Variants in TBC1D22A observed in about 807,000 individuals in gnomAD.
TBC1D22A encodes putative GTPase activator.
In TBC1D22A, 38 loss-of-function variants were observed where a neutral mutation model predicts 60.2. The observed-to-expected ratio is 0.63, with a 90% confidence interval of 0.49 to 0.83. The LOEUF (loss-of-function observed/expected upper bound fraction) is 0.83. TBC1D22A is among the 40% of genes least tolerant of loss of function. The pLI is 0.00. For synonymous variants in TBC1D22A, 302 were observed against 281.7 expected (o/e 1.07, Z -0.72); for missense variants, 628 against 701.0 (o/e 0.90, Z 1.18).
intron 4 of TBC1D22A, among the ~76,000 whole-genome samples, chr22:46,854,610 G>A (rs1469853862): frequency 6.6e-6 from 1 of 151,970 alleles, no homozygotes; most frequent in African/African-American, 2.4e-5. Context: ...CCTTTGATGG[G>A]TCTGCCCTAG....
chr22:47,112,153 A>G (rs1346869973), intron 12 of TBC1D22A, among the ~76,000 whole-genome samples: 3 of 151,928 alleles, frequency 2.0e-5, no homozygotes, highest in Non-Finnish European at 4.4e-5. Flanking sequence ...GACCTGTGGG[A>G]CTCCCTGTGG....
Position 46,762,847 on chromosome 22 carries a change from A to G in TBC1D22A, c.61A>G (p.Ser21Gly). The G allele has an allele frequency of 6.8e-7, 1 of 1,470,326 alleles. No individual in the cohort carries two copies. Among genetic ancestry groups the G allele is most frequent in the African/African-American group, 1.5e-5 (1 of 66,990 alleles). The allele number at this position is 1,470,326 out of a possible 1,614,324, so 91.1% of individuals were successfully genotyped here. ...GCGCAGCAACAGCAAGCTCCCGGGC[A>G]GGTGGGTGTGCCGCGGAGGGCCAGG... ...WKRSNSKLPGSIQHVYGAQHP... is the reference protein window; with the variant it reads ...WKRSNSKLPGGIQHVYGAQHP... Residue 21 changes from serine to glycine, a missense_variant and splice_region_variant, in exon 1 of 13, where the codon AGC becomes GGC. Physicochemically the swap from Ser to Gly is moderately conservative, Grantham distance 56 (BLOSUM62 0). Coordinates refer to ENST00000337137, the MANE Select transcript of TBC1D22A (RefSeq NM_014346.5).
At chr22:46,942,898 A>G (rs1199885496) in intron 8 of TBC1D22A, among the ~76,000 whole-genome samples, 1 of 152,170 alleles carries the variant, frequency 6.6e-6, no homozygotes, top group East Asian at 1.9e-4. Context: ...ACTAGGAGAG[A>G]AATTAATTTC....
At chr22:47,065,821 T>A (rs551145743) in intron 11 of TBC1D22A, among the ~76,000 whole-genome samples, 10 of 152,312 alleles carry the variant, frequency 6.6e-5, no homozygotes, top group African/African-American at 2.2e-4. Flanking sequence ...AATCCTGCTC[T>A]GAGTTCCTCA....
At chr22:47,115,696 C>G (rs543185016) in intron 12 of TBC1D22A, 2 of 152,234 alleles carry the variant, frequency 1.3e-5, no homozygotes, top group African/African-American at 4.8e-5. Flanking sequence ...AACCTGCCAC[C>G]CGCCCCTGCT....
intron 5 of TBC1D22A, among the ~76,000 whole-genome samples, chr22:46,881,576 AC>A (rs2067853171): frequency 6.6e-6 from 1 of 152,204 alleles, no homozygotes; most frequent in Non-Finnish European, 1.5e-5. Context: ...AACTCAGGGA[AC>A]AGGCTGTTCT....
At chr22:46,896,153 T>C (rs113357384) in intron 7 of TBC1D22A, among the ~76,000 whole-genome samples, 3,228 of 152,356 alleles carry the variant, frequency 0.021, 76 homozygotes, top group Non-Finnish European at 0.03. Context: ...GGATGTCTTC[T>C]GTCTTTCCCC....
chr22:46,820,489 G>T (rs117336257), intron 4 of TBC1D22A, among the ~76,000 whole-genome samples: 2,138 of 152,206 alleles, frequency 0.014, 49 homozygotes, highest in African/African-American at 0.049. Flanking sequence ...ATTTCATTAT[G>T]TACCCAGGAG....
intron 10 of TBC1D22A, among the ~76,000 whole-genome samples, chr22:46,999,267 C>A (rs1347390232): frequency 6.6e-6 from 1 of 152,202 alleles, no homozygotes; most frequent in African/African-American, 2.4e-5. Flanking sequence ...ACCAAAGGAA[C>A]CCCAACGAAA....
rs537299051 is a variant in TBC1D22A at position 47,116,627 on chromosome 22, G to A, written c.1425+5024G>A. 4 of 152,426 alleles carry A rather than the reference G, an allele frequency of 2.6e-5. No individual in the cohort carries two copies. The South Asian group carries it at 8.3e-4, about 32-fold the overall frequency. The allele number at this position is 152,426 out of a possible 1,614,324, so 9.4% of individuals were successfully genotyped here. A position where few individuals can be genotyped will look rare whatever the true frequency, so the allele number is the denominator to read the frequency against. On this transcript the variant is annotated intron_variant, in intron 12 of 12. Transcript: ENST00000337137. ...GCAGTCTGTGGCCGCCTGGCCCTGG[G>A]CCCTGCATCTCTGTGGGAGCCCCAG...
intron 4 of TBC1D22A, among the ~76,000 whole-genome samples, chr22:46,863,830 C>T (rs2066923437): frequency 6.6e-6 from 1 of 152,182 alleles, no homozygotes; most frequent in African/African-American, 2.4e-5. Context: ...TCAGATGCTC[C>T]CCCTCCGTGA....
intron 10 of TBC1D22A, among the ~76,000 whole-genome samples, chr22:47,004,288 A>G (rs1271242189): frequency 6.7e-6 from 1 of 150,340 alleles, no homozygotes; most frequent in Non-Finnish European, 1.5e-5. Context: ...ACCCCTGCAC[A>G]CAATCCTCAT....
intron 8 of TBC1D22A, among the ~76,000 whole-genome samples, chr22:46,956,265 C>G (rs1321644768): frequency 6.6e-6 from 1 of 151,958 alleles, no homozygotes; most frequent in Non-Finnish European, 1.5e-5. Flanking sequence ...GTGCCCTAAC[C>G]CCATGGAACT....
chr22:46,849,529 T>A (rs1445912831), intron 4 of TBC1D22A, among the ~76,000 whole-genome samples: 1 of 152,188 alleles, frequency 6.6e-6, no homozygotes, highest in Non-Finnish European at 1.5e-5. Flanking sequence ...TGTCCTGGGC[T>A]GGACAGGTGA....
chr22:47,098,563 G>A (rs548600789), intron 11 of TBC1D22A, among the ~76,000 whole-genome samples: 1 of 151,846 alleles, frequency 6.6e-6, no homozygotes, highest in African/African-American at 2.4e-5. Context: ...GCATCCCCCC[G>A]ACTCCATGTA....
At chr22:47,098,572 T>C (rs1029300631) in intron 11 of TBC1D22A, among the ~76,000 whole-genome samples, 10 of 151,194 alleles carry the variant, frequency 6.6e-5, no homozygotes, top group Admixed American at 2.6e-4. Flanking sequence ...CGACTCCATG[T>C]ACCAGGTTGC....
intron 2 of TBC1D22A, among the ~76,000 whole-genome samples, chr22:46,793,165 A>C (rs896046962): frequency 6.6e-6 from 1 of 152,162 alleles, no homozygotes; most frequent in African/African-American, 2.4e-5. Context: ...CACACCCCTC[A>C]CTGCTGGGCA....
chr22:46,817,770 C>T (rs1002352793), intron 4 of TBC1D22A, among the ~76,000 whole-genome samples: 3 of 152,192 alleles, frequency 2.0e-5, no homozygotes, highest in African/African-American at 7.2e-5. Flanking sequence ...TGGGTATATA[C>T]CCAGTAATGG....
At chr22:46,941,852 A>G in intron 8 of TBC1D22A, among the ~76,000 whole-genome samples, 1 of 147,412 alleles carries the variant, frequency 6.8e-6, no homozygotes, top group Middle Eastern at 3.6e-3. Flanking sequence ...ATATGTATAG[A>G]ATATGTATAG....
Sources: allele counts gnomAD v4.1 joint callset (sites outside exome capture counted in the v4.1 genomes callset), GRCh38; gene constraint gnomAD v4.1.1; transcripts MANE v1.5; gene names NCBI Gene and HGNC (gene_info 2026-07-23, HGNC 2026-07-21).